Variants in CDH12 observed in about 807,000 individuals in gnomAD.
CDH12 encodes cadherin-12.
Under a neutral mutation model 74.1 loss-of-function variants are expected in CDH12, and 41 were observed. The observed-to-expected ratio is 0.55, with a 90% confidence interval of 0.43 to 0.72. The LOEUF (loss-of-function observed/expected upper bound fraction) is 0.72. Ranked by LOEUF, CDH12 falls within the 30% of genes least tolerant of loss-of-function variation. The probability of loss-of-function intolerance (pLI) is 0.00; values close to 1 mark genes in which losing one functional copy is unlikely to be tolerated. For missense variants in CDH12, 945 were observed against 977.2 expected (o/e 0.97, Z 0.44); for synonymous variants, 399 against 355.0 (o/e 1.12, Z -1.39).
At chr5:22,179,395 G>A (rs765235333) in intron 4 of CDH12, among the ~76,000 whole-genome samples, 3 of 152,094 alleles carry the variant, frequency 2.0e-5, no homozygotes, top group Non-Finnish European at 4.4e-5. Context: ...AATAGAAAAT[G>A]CTTAAAGCTT....
intron 1 of CDH12, among the ~76,000 whole-genome samples, chr5:22,775,560 CA>C (rs201639101): frequency 0.014 from 2,057 of 148,862 alleles, 20 homozygotes; most frequent in South Asian, 0.023. Flanking sequence ...AATTGGGCAA[CA>C]AAAAAAAACT....
chr5:22,103,453 A>T (rs1157011393), intron 4 of CDH12, among the ~76,000 whole-genome samples: 1 of 152,230 alleles, frequency 6.6e-6, no homozygotes, highest in Non-Finnish European at 1.5e-5. Context: ...TGATAAATAA[A>T]CTGCCCTCTA....
intron 3 of CDH12, among the ~76,000 whole-genome samples, chr5:22,377,996 G>T (rs1201307606): frequency 6.6e-6 from 1 of 152,066 alleles, no homozygotes; most frequent in Non-Finnish European, 1.5e-5. Flanking sequence ...ATTGTTTTCA[G>T]GTTATAACTT....
At chr5:22,280,875 A>G (rs1331726049) in intron 3 of CDH12, among the ~76,000 whole-genome samples, 1 of 152,222 alleles carries the variant, frequency 6.6e-6, no homozygotes, top group East Asian at 1.9e-4. Flanking sequence ...TCATTTTATG[A>G]GGCCAGTATC....
At chr5:21,850,318 A>C (rs1396270228) in intron 7 of CDH12, among the ~76,000 whole-genome samples, 2 of 151,230 alleles carry the variant, frequency 1.3e-5, no homozygotes, top group Non-Finnish European at 3.0e-5. Context: ...CATGAGGAGG[A>C]GCCAGGGGTA....
chr5:22,177,171 G>A (rs1263494259), intron 4 of CDH12, among the ~76,000 whole-genome samples: 3 of 152,214 alleles, frequency 2.0e-5, no homozygotes, highest in Middle Eastern at 3.4e-3. Flanking sequence ...TACTTAGCAC[G>A]TTGCAGGTTC....
intron 3 of CDH12, among the ~76,000 whole-genome samples, chr5:22,291,362 A>G (rs1212619378): frequency 6.6e-6 from 1 of 152,168 alleles, no homozygotes; most frequent in African/African-American, 2.4e-5. Flanking sequence ...TCCTTACCAG[A>G]GCAATTATGC....
intron 4 of CDH12, among the ~76,000 whole-genome samples, chr5:22,114,571 G>GT (rs550050723): frequency 5.3e-4 from 80 of 152,172 alleles, no homozygotes; most frequent in Non-Finnish European, 9.4e-4. Context: ...ACAATATTTT[G>GT]TAACAACTGT....
intron 6 of CDH12, among the ~76,000 whole-genome samples, chr5:21,924,926 A>G (rs1754520834): frequency 6.6e-6 from 1 of 152,224 alleles, no homozygotes. Flanking sequence ...GGTCATCTGT[A>G]TCCAACATAT....
At chr5:22,694,046 C>T (rs1298392633) in intron 1 of CDH12, among the ~76,000 whole-genome samples, 1 of 152,124 alleles carries the variant, frequency 6.6e-6, no homozygotes, top group Non-Finnish European at 1.5e-5. Context: ...CTCAAGCTAT[C>T]TTCCTGTCTC....
chr5:21,883,975 A>T, intron 6 of CDH12: 1 of 1,599,758 alleles, frequency 6.3e-7, no homozygotes. Context: ...GAAGATCAAA[A>T]AATTGGTATG....
chr5:22,318,485 A>T (rs530066494), intron 3 of CDH12, among the ~76,000 whole-genome samples: 22 of 152,292 alleles, frequency 1.4e-4, no homozygotes, highest in African/African-American at 4.6e-4. Flanking sequence ...TTTTCCCTAT[A>T]TGAGTATCAT....
chr5:21,862,916 T>A (rs1332155545), intron 6 of CDH12, among the ~76,000 whole-genome samples: 2 of 152,118 alleles, frequency 1.3e-5, no homozygotes, highest in Non-Finnish European at 2.9e-5. Flanking sequence ...CTGAAATGAA[T>A]CCTGTCTGCC....
intron 4 of CDH12, among the ~76,000 whole-genome samples, chr5:22,194,146 G>A (rs577680277): frequency 2.0e-4 from 30 of 152,106 alleles, no homozygotes; most frequent in African/African-American, 6.0e-4. Flanking sequence ...AGTCCTGGTA[G>A]GAAAAGAAAG....
At chr5:21,982,910 T>G (rs1461736531) in intron 5 of CDH12, among the ~76,000 whole-genome samples, 1 of 151,422 alleles carries the variant, frequency 6.6e-6, no homozygotes, top group Non-Finnish European at 1.5e-5. Flanking sequence ...GTGGTTTTAT[T>G]TATGTATTTT....
At chr5:21,987,299 G>T (rs1300045577) in intron 5 of CDH12, among the ~76,000 whole-genome samples, 1 of 152,082 alleles carries the variant, frequency 6.6e-6, no homozygotes, top group Non-Finnish European at 1.5e-5. Context: ...AAGTATACAT[G>T]ATGTATTAGT....
chr5:22,295,369 G>A (rs1356764467), intron 3 of CDH12, among the ~76,000 whole-genome samples: 1 of 152,082 alleles, frequency 6.6e-6, no homozygotes, highest in East Asian at 1.9e-4. Context: ...ATAAATTTAA[G>A]TGTTTGCCAT....
intron 1 of CDH12, among the ~76,000 whole-genome samples, chr5:22,657,334 G>C (rs995317484): frequency 1.3e-5 from 2 of 152,078 alleles, no homozygotes; most frequent in African/African-American, 4.8e-5. Context: ...GATTATGTGA[G>C]TATATACTTA....
chr5:22,296,820 A>G (rs545095084), intron 3 of CDH12, among the ~76,000 whole-genome samples: 2 of 152,302 alleles, frequency 1.3e-5, no homozygotes, highest in Admixed American at 1.3e-4. Flanking sequence ...TTTGCTCAAT[A>G]AACAATTAAA....
Sources: gnomAD v4.1 joint callset for allele counts (sites outside exome capture counted in the v4.1 genomes callset) on GRCh38, gnomAD v4.1.1 for gene constraint, MANE v1.5 for transcripts, NCBI Gene and HGNC (gene_info 2026-07-23, HGNC 2026-07-21) for gene names.